FGF12: variants seen among roughly 807,000 people sequenced by gnomAD.
FGF12 encodes the protein fibroblast growth factor 12, also known as fibroblast growth factor 12B.
In FGF12, 14 loss-of-function variants were observed where a neutral mutation model predicts 23.6. That is an observed-to-expected ratio of 0.59 (90% CI 0.39 to 0.93). The LOEUF is 0.93. Among genes scored for constraint, FGF12 ranks in the 40% least tolerant of loss-of-function variants. FGF12 has a pLI of 0.00. For missense variants in FGF12, 175 were observed against 217.8 expected (o/e 0.80, Z 1.24); for synonymous variants, 62 against 77.3 (o/e 0.80, Z 1.04).
At chr3:192,571,641 A>G (rs558749975) in intron 2 of FGF12, among the ~76,000 whole-genome samples, 3 of 152,336 alleles carry the variant, frequency 2.0e-5, no homozygotes, top group African/African-American at 7.2e-5. Context: ...GTGCTTTTGA[A>G]TCTGTCCTGT....
intron 2 of FGF12, among the ~76,000 whole-genome samples, chr3:192,453,008 T>C (rs554423021): frequency 1.3e-5 from 2 of 152,248 alleles, no homozygotes; most frequent in African/African-American, 4.8e-5. Flanking sequence ...AATTTTCAGT[T>C]ACTTGTTTTC....
intron 2 of FGF12, among the ~76,000 whole-genome samples, chr3:192,405,609 A>C (rs1267356132): frequency 6.9e-6 from 1 of 144,920 alleles, no homozygotes; most frequent in Non-Finnish European, 1.5e-5. Flanking sequence ...TTCAAGAATC[A>C]GTCAAATATT....
At chr3:192,463,433 T>C (rs1045019018) in intron 2 of FGF12, among the ~76,000 whole-genome samples, 2 of 152,110 alleles carry the variant, frequency 1.3e-5, no homozygotes, top group Admixed American at 1.3e-4. Flanking sequence ...AAAAAAGTTG[T>C]TGTTGTCGTT....
intron 2 of FGF12, among the ~76,000 whole-genome samples, chr3:192,700,137 A>T (rs1718246322): frequency 6.6e-6 from 1 of 152,150 alleles, no homozygotes. Flanking sequence ...AGGTTAAGCA[A>T]CGTCAGTTCT....
chr3:192,526,465 C>T (rs1724948283), intron 2 of FGF12, among the ~76,000 whole-genome samples: 1 of 152,108 alleles, frequency 6.6e-6, no homozygotes, highest in African/African-American at 2.4e-5. Context: ...AATGCTGAGG[C>T]ACTTATCACA....
At chr3:192,464,744 C>T (rs1289222070) in intron 2 of FGF12, among the ~76,000 whole-genome samples, 1 of 152,134 alleles carries the variant, frequency 6.6e-6, no homozygotes, top group African/African-American at 2.4e-5. Context: ...CTCTGCTTTA[C>T]ACAACTGGAT....
At position 192,160,735 on chromosome 3, in the gene FGF12, T is replaced by C. The variant is rs1714823565; in HGVS notation, c.427+9723A>G. 3.3e-5 allele frequency among the ~76,000 whole-genome samples: 5 copies of C among 152,298 alleles called. No individual in the cohort carries two copies. In the South Asian group the frequency reaches 1.0e-3, roughly 32 times the overall value. Reference sequence around the variant, plus strand: ...GCTTAGTAGATGTTTCATAGTTATGTTCCAAATGAATATTCCTATCTACTA... The same window carrying C: ...GCTTAGTAGATGTTTCATAGTTATGCTCCAAATGAATATTCCTATCTACTA... On this transcript the variant is annotated intron_variant, in intron 5 of 5. Coordinates refer to ENST00000445105, the MANE Select transcript of FGF12 (RefSeq NM_004113.6).
chr3:192,219,170 C>T (rs2108571002), intron 4 of FGF12, among the ~76,000 whole-genome samples: 1 of 152,154 alleles, frequency 6.6e-6, no homozygotes. Context: ...CTGCAACCTC[C>T]AACTCCTAGA....
At chr3:192,503,234 T>C (rs1724185354) in intron 2 of FGF12, among the ~76,000 whole-genome samples, 1 of 152,202 alleles carries the variant, frequency 6.6e-6, no homozygotes, top group Admixed American at 6.5e-5. Flanking sequence ...GTGAATTTAC[T>C]TTTTAGTCAC....
intron 4 of FGF12, among the ~76,000 whole-genome samples, chr3:192,187,607 C>A (rs66791522): frequency 0.11 from 16,830 of 152,088 alleles, 1,124 homozygotes; most frequent in African/African-American, 0.19. Flanking sequence ...ATTTGCCATA[C>A]TGTGAGGTAT....
In FGF12 at chr3:192,280,877, A is replaced by G. The variant is rs116396484; in HGVS notation, c.228+54484T>C. 7.3e-3 allele frequency among the ~76,000 whole-genome samples: 1,108 copies of G among 152,308 alleles called. 10 individuals are homozygous for G. Among genetic ancestry groups the G allele is most frequent in the African/African-American group, 0.025 (1,058 of 41,556 alleles). ...GATATCTTAGATATATTTCCACAGA[A>G]GGTCTGTCTTAAAAATGTAAAATTT... On this transcript the variant is annotated intron_variant, in intron 4 of 5. Transcript: ENST00000445105.
At chr3:192,411,840 C>G (rs1337334312) in intron 2 of FGF12, among the ~76,000 whole-genome samples, 1 of 152,148 alleles carries the variant, frequency 6.6e-6, no homozygotes, top group Non-Finnish European at 1.5e-5. Flanking sequence ...AATTTGGAGT[C>G]TCTTTTATAT....
intron 2 of FGF12, among the ~76,000 whole-genome samples, chr3:192,460,272 T>C (rs1348597384): frequency 6.6e-6 from 1 of 152,206 alleles, no homozygotes; most frequent in Non-Finnish European, 1.5e-5. Context: ...AAGACTCAGC[T>C]GAACTAACCA....
intron 4 of FGF12, among the ~76,000 whole-genome samples, chr3:192,258,265 A>G (rs1324792854): frequency 6.6e-6 from 1 of 152,106 alleles, no homozygotes; most frequent in Non-Finnish European, 1.5e-5. Context: ...TCAGACCAGC[A>G]TGGCCAATAT....
At chr3:192,447,259 C>T (rs1722381619) in intron 2 of FGF12, among the ~76,000 whole-genome samples, 1 of 152,080 alleles carries the variant, frequency 6.6e-6, no homozygotes, top group Non-Finnish European at 1.5e-5. Context: ...TTGCTCAAGG[C>T]ACAGGGAATA....
At chr3:192,709,075 T>C (rs1028861698) in intron 2 of FGF12, among the ~76,000 whole-genome samples, 1 of 152,242 alleles carries the variant, frequency 6.6e-6, no homozygotes, top group African/African-American at 2.4e-5. Context: ...GTTTAAATTA[T>C]ATGTTTATAC....
intron 2 of FGF12, among the ~76,000 whole-genome samples, chr3:192,465,691 G>A (rs536507885): frequency 6.6e-6 from 1 of 152,294 alleles, no homozygotes; most frequent in Admixed American, 6.5e-5. Context: ...GGGTGCCTAC[G>A]TGACTGTCGC....
intron 5 of FGF12, among the ~76,000 whole-genome samples, chr3:192,154,915 C>T (rs1234716036): frequency 5.2e-5 from 7 of 135,244 alleles, no homozygotes; most frequent in South Asian, 2.6e-4. Flanking sequence ...CCCCCAGCCT[C>T]GCTGCCGCCT....
chr3:192,387,952 T>C lies in FGF12; in HGVS notation c.14-27414A>G, dbSNP rs532323657. Among the ~76,000 whole-genome samples, 67 of 152,234 alleles carry C rather than the reference T, an allele frequency of 4.4e-4. 1 individual carries two copies. The South Asian group carries it at 0.014, about 31-fold the overall frequency. On this transcript the variant is annotated intron_variant, in intron 2 of 5. Transcript: ENST00000445105. ...GAAGTTTGATTATAGCCACTCTTAG[T>C]TATTTTATATAATTGAACATACATA... is the stretch of plus-strand genomic sequence containing the variant.
Sources: allele counts gnomAD v4.1 joint callset (sites outside exome capture counted in the v4.1 genomes callset), GRCh38; gene constraint gnomAD v4.1.1; transcripts MANE v1.5; gene names NCBI Gene and HGNC (gene_info 2026-07-23, HGNC 2026-07-21).